MVB12B: variants seen among roughly 807,000 people sequenced by gnomAD.
MVB12B encodes the protein multivesicular body subunit 12B, also known as ESCRT-I complex subunit MVB12B.
Under a neutral mutation model 41.6 loss-of-function variants are expected in MVB12B, and 16 were observed. The observed-to-expected ratio is 0.38, with a 90% confidence interval of 0.26 to 0.58. The LOEUF (loss-of-function observed/expected upper bound fraction) is 0.58. Ranked by LOEUF, MVB12B falls within the 20% of genes least tolerant of loss-of-function variation. The pLI, the probability that MVB12B is intolerant of heterozygous loss-of-function variation, is 0.62. For missense variants in MVB12B, 274 were observed against 380.2 expected, an observed-to-expected ratio of 0.72 and a Z score of 2.32; for synonymous variants, 133 against 139.7, an observed-to-expected ratio of 0.95 and a Z score of 0.34.
At position 126,401,877 on chromosome 9, in the gene MVB12B, T is replaced by G. The variant is rs114238852; in HGVS notation, c.662+6180T>G. On this transcript the variant is annotated intron_variant, in intron 6 of 9. Coordinates refer to ENST00000361171, the MANE Select transcript of MVB12B (RefSeq NM_033446.3). ...CTGGCTGGAGCCTTGTTGTCCACAC[T>G]GACAGCCTCAAATCCTTCGGCTGCC... 8.5e-3 allele frequency among the ~76,000 whole-genome samples: 1,288 copies of G among 152,356 alleles called. 23 individuals carry two copies. Among genetic ancestry groups the G allele is most frequent in the African/African-American group, 0.03 (1,235 of 41,590 alleles).
rs569697406 is a variant in MVB12B, at chr9:126,399,352, C to T, written c.662+3655C>T. 3.3e-5 allele frequency among the ~76,000 whole-genome samples: 5 copies of T among 152,370 alleles called. No individual in the cohort carries two copies. In the South Asian group the frequency reaches 1.0e-3, roughly 32 times the overall value. On this transcript the variant is annotated intron_variant, in intron 6 of 9. Transcript: ENST00000361171. The stretch of plus-strand genomic sequence containing the variant: ...CCATCCCCTGCCTGCCTATGTCATG[C>T]ACGTCGATCAACAGGAGAGAGCTGG...
chr9:126,466,269 C>T (rs548859251), intron 7 of MVB12B, among the ~76,000 whole-genome samples: 1 of 152,280 alleles, frequency 6.6e-6, no homozygotes, highest in South Asian at 2.1e-4. Flanking sequence ...GTTTGCTCCA[C>T]GTGATCTCTC....
intron 9 of MVB12B, among the ~76,000 whole-genome samples, chr9:126,502,763 G>A (rs1564355183): frequency 6.6e-6 from 1 of 152,236 alleles, no homozygotes; most frequent in Non-Finnish European, 1.5e-5. Flanking sequence ...ACCAGCCTCA[G>A]CCAGGTTTGG....
intron 9 of MVB12B, 91 bp from the exon 10 acceptor site, chr9:126,503,086 C>A: frequency 8.5e-7 from 1 of 1,179,738 alleles, no homozygotes; most frequent in Non-Finnish European, 1.2e-6. Flanking sequence ...GCGGCCCAGG[C>A]CTCTGCCTGA....
intron 1 of MVB12B, among the ~76,000 whole-genome samples, chr9:126,338,074 C>G (rs1046266834): frequency 6.6e-6 from 1 of 152,224 alleles, no homozygotes; most frequent in African/African-American, 2.4e-5. Context: ...TCATTAAAAG[C>G]TGCCTTGGCT....
At chr9:126,368,647 C>T (rs887008925) in intron 2 of MVB12B, among the ~76,000 whole-genome samples, 85 of 152,078 alleles carry the variant, frequency 5.6e-4, no homozygotes, top group African/African-American at 2.0e-3. Flanking sequence ...CCTCTAATGC[C>T]AATACATCTC....
intron 4 of MVB12B, among the ~76,000 whole-genome samples, chr9:126,387,199 G>A (rs147409835): frequency 8.5e-5 from 13 of 152,262 alleles, no homozygotes; most frequent in South Asian, 4.1e-4. Flanking sequence ...AATCGGCAGC[G>A]TCTTCAGGGT....
chr9:126,364,246 A>G (rs1405350713), intron 2 of MVB12B, among the ~76,000 whole-genome samples: 2 of 152,224 alleles, frequency 1.3e-5, no homozygotes, highest in Non-Finnish European at 2.9e-5. Context: ...CTTAGGCACG[A>G]GGACCAGTTT....
In MVB12B at chr9:126,480,068, T is replaced by C. The variant is rs189514024; in HGVS notation, c.758-1301T>C. ...CAGGAGACACTGGGGGAAGCAAAGATTGTTGGTCCCAGGAGCGCACTGCCC... is the reference window on the plus strand; with the variant it reads ...CAGGAGACACTGGGGGAAGCAAAGACTGTTGGTCCCAGGAGCGCACTGCCC... On this transcript the variant is annotated intron_variant, in intron 7 of 9. Transcript: ENST00000361171. This position sits in a 1 kb window ranked among gnomAD's most constrained non-coding sequence, Gnocchi z 4.9. Among the ~76,000 whole-genome samples the C allele has an allele frequency of 2.6e-5, 4 of 152,282 alleles. No homozygotes were observed. In the East Asian group the frequency reaches 5.8e-4, roughly 22 times the overall value.
intron 9 of MVB12B, 25 bp from the exon 10 acceptor site, chr9:126,503,152 T>C: frequency 6.5e-7 from 1 of 1,543,474 alleles, no homozygotes; most frequent in Non-Finnish European, 8.8e-7. Context: ...TGACTGTGTC[T>C]CTCTGTCCCC....
In MVB12B at chr9:126,478,318, C is replaced by T. The variant is rs2119200829; in HGVS notation, c.758-3051C>T. 6.6e-6 allele frequency among the ~76,000 whole-genome samples: 1 copy of T among 152,236 alleles called. No individual in the cohort carries two copies. The highest frequency in any genetic ancestry group is 2.1e-4 in the South Asian group (1 of 4,826). The stretch of plus-strand genomic sequence containing the variant: ...TCCTGAGAGAGTTAGGCACTTGCCC[C>T]AGGCTGGAGCCCTCTACCCAGTTCC... On this transcript the variant is annotated intron_variant, in intron 7 of 9. Transcript: ENST00000361171. This position sits in a 1 kb window ranked among gnomAD's most constrained non-coding sequence, Gnocchi z 4.2.
chr9:126,488,087 T>A (rs1406179372), intron 9 of MVB12B, among the ~76,000 whole-genome samples: 1 of 152,186 alleles, frequency 6.6e-6, no homozygotes, highest in East Asian at 1.9e-4. Context: ...TTTTAGCCAC[T>A]GAACTCGGCA....
At chr9:126,463,197 C>G (rs937940762) in intron 7 of MVB12B, among the ~76,000 whole-genome samples, 3 of 152,138 alleles carry the variant, frequency 2.0e-5, no homozygotes, top group Non-Finnish European at 4.4e-5. Context: ...TGGAAACACA[C>G]CTCTGCGTAG....
At chr9:126,449,375 G>A (rs1326488321) in intron 7 of MVB12B, among the ~76,000 whole-genome samples, 1 of 152,190 alleles carries the variant, frequency 6.6e-6, no homozygotes, top group Non-Finnish European at 1.5e-5. Context: ...CGGCTGTAGA[G>A]AAGACCCGCA....
At chr9:126,495,011 G>A (rs376883101) in intron 9 of MVB12B, among the ~76,000 whole-genome samples, 2 of 151,966 alleles carry the variant, frequency 1.3e-5, no homozygotes, top group Non-Finnish European at 2.9e-5. Context: ...GGACAACATG[G>A]TAAAACCCCA....
chr9:126,404,198 G>A (rs1165189584), intron 6 of MVB12B, among the ~76,000 whole-genome samples: 5 of 152,054 alleles, frequency 3.3e-5, no homozygotes, highest in East Asian at 1.9e-4. Context: ...CAAGTGATCC[G>A]CCTGCCTCGA....
In MVB12B at chr9:126,459,166, A is replaced by G. The variant is rs1833040974; in HGVS notation, c.758-22203A>G. Among the ~76,000 whole-genome samples the G allele has an allele frequency of 6.6e-6, 1 of 152,214 alleles. No individual in the cohort carries two copies. The highest frequency in any genetic ancestry group is 2.1e-4 in the South Asian group (1 of 4,830). The stretch of plus-strand genomic sequence containing the variant: ...AGGAAAAAGTAATCAGTTGGCAAGT[A>G]GGTTACCTGGCTGTGCTTTGGCACT... On this transcript the variant is annotated intron_variant, in intron 7 of 9. Coordinates refer to ENST00000361171, the MANE Select transcript of MVB12B (RefSeq NM_033446.3). The surrounding 1 kb of genome is among the most constrained non-coding windows in gnomAD (Gnocchi z 4.3).
intron 2 of MVB12B, among the ~76,000 whole-genome samples, chr9:126,348,180 T>C (rs969579175): frequency 2.0e-5 from 3 of 152,248 alleles, no homozygotes; most frequent in African/African-American, 4.8e-5. Context: ...CTTTTTGTTT[T>C]GTTAGAAAAT....
chr9:126,371,016 T>C (rs1181133618), intron 2 of MVB12B, among the ~76,000 whole-genome samples: 3 of 152,230 alleles, frequency 2.0e-5, no homozygotes, highest in Non-Finnish European at 4.4e-5. Flanking sequence ...TTTTGACAAA[T>C]TGAGGTAGGG....
Sources: gnomAD v4.1 joint callset for allele counts (sites outside exome capture counted in the v4.1 genomes callset) on GRCh38, gnomAD v4.1.1 for gene constraint, Gnocchi (gnomAD v3.1) non-coding constraint, MANE v1.5 for transcripts, NCBI Gene and HGNC (gene_info 2026-07-23, HGNC 2026-07-21) for gene names.